MAN1C1: variants seen among roughly 807,000 people sequenced by gnomAD.
MAN1C1 encodes mannosidase alpha class 1C member 1.
In MAN1C1, 49 loss-of-function variants were observed where a neutral mutation model predicts 71.5. That is an observed-to-expected ratio of 0.69 (90% CI 0.54 to 0.87). The LOEUF (loss-of-function observed/expected upper bound fraction) is 0.87, where lower values mean the gene tolerates loss of function less well. Among genes scored for constraint, MAN1C1 ranks in the 40% least tolerant of loss-of-function variants. MAN1C1 has a pLI of 0.00. For synonymous variants in MAN1C1, 352 were observed against 343.7 expected (o/e 1.02, Z -0.27); for missense variants, 743 against 835.0 (o/e 0.89, Z 1.36).
At chr1:25,700,486 T>C (rs2046426583) in intron 2 of MAN1C1, among the ~76,000 whole-genome samples, 1 of 152,186 alleles carries the variant, frequency 6.6e-6, no homozygotes, top group South Asian at 2.1e-4. Context: ...TCTACCAGGC[T>C]GGGAGCTGGG....
At chr1:25,633,890 G>T (rs1047518553) in intron 1 of MAN1C1, among the ~76,000 whole-genome samples, 3 of 152,050 alleles carry the variant, frequency 2.0e-5, no homozygotes. Flanking sequence ...GCTTTCAAGA[G>T]GTTCTGTTTT....
At chr1:25,770,349 G>A (rs954334538) in intron 7 of MAN1C1, among the ~76,000 whole-genome samples, 2 of 152,234 alleles carry the variant, frequency 1.3e-5, no homozygotes, top group African/African-American at 4.8e-5. Flanking sequence ...GGAGGGGGCC[G>A]GAAGGGCGAG....
intron 1 of MAN1C1, among the ~76,000 whole-genome samples, chr1:25,673,203 T>C (rs536696306): frequency 5.3e-5 from 8 of 152,214 alleles, no homozygotes; most frequent in African/African-American, 1.7e-4. Context: ...GGGAAGACGA[T>C]GAATGGGAAG....
intron 1 of MAN1C1, among the ~76,000 whole-genome samples, chr1:25,681,236 AAAAAG>A (rs1022458838): frequency 7.2e-5 from 11 of 151,968 alleles, no homozygotes; most frequent in Non-Finnish European, 1.0e-4. Flanking sequence ...CAAAAAAAAA[AAAAAG>A]AAAAGAAAAG....
At chr1:25,635,543 G>A (rs994848169) in intron 1 of MAN1C1, among the ~76,000 whole-genome samples, 9 of 150,676 alleles carry the variant, frequency 6.0e-5, no homozygotes, top group Non-Finnish European at 7.4e-5. Flanking sequence ...TCTGCCTCCC[G>A]AGTTCAAGTG....
Position 25,618,051 on chromosome 1 carries a change from C to G in MAN1C1, c.254C>G (p.Ala85Gly). Residue 85 changes from alanine (A) to glycine (G), a missense_variant, in exon 1 of 12, where the codon GCC becomes GGC. By Grantham distance (60) the Ala-to-Gly change is moderately conservative. Coordinates refer to ENST00000374332, the MANE Select transcript of MAN1C1 (RefSeq NM_020379.4). ...AREQEPPPNPAPAAPAPGEDD... is the reference protein window; with the variant it reads ...AREQEPPPNPGPAAPAPGEDD... The stretch of plus-strand genomic sequence containing the variant: ...GAGCAGGAGCCGCCTCCCAACCCGG[C>G]CCCCGCCGCGCCGGCCCCGGGCGAG... The G allele has an allele frequency of 6.4e-7, 1 of 1,565,926 alleles. No homozygotes were observed. Among genetic ancestry groups the G allele is most frequent in the Non-Finnish European group, 8.6e-7 (1 of 1,160,672 alleles).
At chr1:25,729,116 C>T (rs1479144068) in intron 2 of MAN1C1, among the ~76,000 whole-genome samples, 1 of 152,224 alleles carries the variant, frequency 6.6e-6, no homozygotes, top group Non-Finnish European at 1.5e-5. Context: ...ACATAGAGAC[C>T]AAACCCCTTG....
At chr1:25,781,512 GCAGCC>G (rs2124418856) in intron 10 of MAN1C1, among the ~76,000 whole-genome samples, 1 of 152,226 alleles carries the variant, frequency 6.6e-6, no homozygotes, top group South Asian at 2.1e-4. Context: ...CTTCCCACAG[GCAGCC>G]CAGCCTGAGG....
intron 2 of MAN1C1, among the ~76,000 whole-genome samples, chr1:25,733,723 T>C (rs1371928808): frequency 1.3e-5 from 2 of 152,238 alleles, no homozygotes; most frequent in Non-Finnish European, 1.5e-5. Flanking sequence ...AGTGACTTAA[T>C]TCCTCTAAGC....
chr1:25,748,353 GT>G (rs2047165970), intron 3 of MAN1C1, among the ~76,000 whole-genome samples: 1 of 152,192 alleles, frequency 6.6e-6, no homozygotes, highest in East Asian at 1.9e-4. Flanking sequence ...GCTCCCCCAG[GT>G]TAACAGATGA....
intron 1 of MAN1C1, among the ~76,000 whole-genome samples, chr1:25,648,948 C>T (rs1327457021): frequency 6.6e-6 from 1 of 152,234 alleles, no homozygotes; most frequent in Non-Finnish European, 1.5e-5. Flanking sequence ...AGTCATCACA[C>T]TAATCCCCAA....
intron 1 of MAN1C1, among the ~76,000 whole-genome samples, chr1:25,676,453 C>T (rs1205990470): frequency 6.6e-6 from 1 of 152,088 alleles, no homozygotes; most frequent in South Asian, 2.1e-4. Flanking sequence ...GTTGTGTTGC[C>T]CCAATAAATG....
At chr1:25,621,206 A>AT (rs2045202592) in intron 1 of MAN1C1, among the ~76,000 whole-genome samples, 1 of 152,152 alleles carries the variant, frequency 6.6e-6, no homozygotes, top group South Asian at 2.1e-4. Flanking sequence ...CTGTTTTGAG[A>AT]TATCTTGTAC....
intron 9 of MAN1C1, chr1:25,780,578 C>A (rs1393990484): frequency 5.6e-6 from 1 of 180,064 alleles, no homozygotes; most frequent in African/African-American, 2.4e-5. Context: ...AAACCCGAAA[C>A]CCTCTTGGCT....
In MAN1C1 at chr1:25,768,949, T is replaced by C. The variant is rs1572208794; in HGVS notation, c.1142-2708T>C. On this transcript the variant is annotated intron_variant, in intron 7 of 11. Coordinates refer to ENST00000374332, the MANE Select transcript of MAN1C1 (RefSeq NM_020379.4). ...CCCCTTACACACTACACACACACACTTCCCCTACACACACCCCCACACTAC... is the reference window on the plus strand; with the variant it reads ...CCCCTTACACACTACACACACACACCTCCCCTACACACACCCCCACACTAC... 4.3e-5 allele frequency among the ~76,000 whole-genome samples: 3 copies of C among 69,810 alleles called. No homozygotes were observed. The South Asian group carries it at 1.6e-3, about 37-fold the overall frequency. The allele number at this position is 69,810 out of a possible 152,430, so 45.8% of individuals were successfully genotyped here.
chr1:25,767,231 C>A (rs890147015), intron 7 of MAN1C1, among the ~76,000 whole-genome samples: 7 of 138,876 alleles, frequency 5.0e-5, no homozygotes, highest in South Asian at 2.3e-4. Flanking sequence ...ACACACACAC[C>A]CACACTCCCC....
At chr1:25,748,632 G>A (rs2047170598) in intron 3 of MAN1C1, among the ~76,000 whole-genome samples, 1 of 152,212 alleles carries the variant, frequency 6.6e-6, no homozygotes, top group South Asian at 2.1e-4. Context: ...TCTGGTCCTG[G>A]CATGATGCTC....
At chr1:25,627,877 A>C (rs1191872659) in intron 1 of MAN1C1, among the ~76,000 whole-genome samples, 2 of 151,972 alleles carry the variant, frequency 1.3e-5, no homozygotes, top group African/African-American at 4.8e-5. Flanking sequence ...TAAAAAAAAA[A>C]AAAAAAAATA....
Position 25,782,522 on chromosome 1 carries a change from T to C in MAN1C1, c.1651-63T>C. 8.8e-7 allele frequency: 1 copy of C among 1,138,890 alleles called. No individual in the cohort carries two copies. The highest frequency in any genetic ancestry group is 1.3e-6 in the Non-Finnish European group (1 of 752,910). The allele number at this position is 1,138,890 out of a possible 1,614,324, so 70.5% of individuals were successfully genotyped here. On this transcript the variant is annotated intron_variant, in intron 10 of 11. Coordinates refer to ENST00000374332, the MANE Select transcript of MAN1C1 (RefSeq NM_020379.4). The surrounding 1 kb of genome is among the most constrained non-coding windows in gnomAD (Gnocchi z 4.4). ...CTCCAGCCTGCCAGGCATGCACAAG[T>C]CTTGAGGGGCCTTTCCTGTCCCGTG... is the stretch of plus-strand genomic sequence containing the variant.
Sources: gnomAD v4.1 joint callset for allele counts (sites outside exome capture counted in the v4.1 genomes callset) on GRCh38, gnomAD v4.1.1 for gene constraint, Gnocchi (gnomAD v3.1) non-coding constraint, MANE v1.5 for transcripts, NCBI Gene and HGNC (gene_info 2026-07-23, HGNC 2026-07-21) for gene names.